The following PTPRT variants were observed in gnomAD, a reference collection of about 807,000 sequenced individuals.
PTPRT encodes the protein receptor-type tyrosine-protein phosphatase T.
PTPRT carries 56 observed loss-of-function variants against 176.8 expected under a neutral mutation model. That is an observed-to-expected ratio of 0.32 (90% confidence interval 0.26 to 0.40). The LOEUF is 0.40. PTPRT is among the 10% of genes least tolerant of loss of function. The pLI, the probability that PTPRT is intolerant of heterozygous loss-of-function variation, is 1.00. For missense variants in PTPRT, 1,540 were observed against 1,908.2 expected (o/e 0.81, Z 3.60); for synonymous variants, 783 against 739.0 (o/e 1.06, Z -0.96).
intron 7 of PTPRT, among the ~76,000 whole-genome samples, chr20:42,510,730 AGGTGGCAAAGCCATTT>A (rs1358240655): frequency 1.3e-5 from 2 of 152,208 alleles, no homozygotes; most frequent in East Asian, 3.8e-4. Flanking sequence ...TCCTGCAAGC[AGGTGGCAAAGCCATTT>A]CTCTCTATTC....
chr20:42,132,458 A>G (rs73114443), intron 18 of PTPRT, among the ~76,000 whole-genome samples: 41,201 of 152,104 alleles, frequency 0.27, 5,578 homozygotes, highest in African/African-American at 0.27. Context: ...AATACACAAC[A>G]AACTCTTAAA....
chr20:42,457,684 G>A (rs2070947043), intron 8 of PTPRT, among the ~76,000 whole-genome samples: 1 of 152,118 alleles, frequency 6.6e-6, no homozygotes, highest in Non-Finnish European at 1.5e-5. Flanking sequence ...TGACCTGTGG[G>A]GCAGTGGTAT....
intron 11 of PTPRT, among the ~76,000 whole-genome samples, chr20:42,332,660 TA>T (rs1417975837): frequency 6.6e-6 from 1 of 152,004 alleles, no homozygotes; most frequent in Non-Finnish European, 1.5e-5. Context: ...TTTTTGAGAA[TA>T]AACGAAGTCT....
intron 8 of PTPRT, among the ~76,000 whole-genome samples, chr20:42,451,824 T>C (rs10451716): frequency 0.22 from 33,084 of 151,672 alleles, 3,739 homozygotes; most frequent in Middle Eastern, 0.33. Context: ...CTGAAGAGGG[T>C]TGAGAAGAGA....
chr20:42,851,528 A>G (rs535898428), intron 2 of PTPRT, among the ~76,000 whole-genome samples: 1 of 152,254 alleles, frequency 6.6e-6, no homozygotes, highest in East Asian at 1.9e-4. Flanking sequence ...AAATGTCCCT[A>G]TTGAAACAAA....
intron 15 of PTPRT, among the ~76,000 whole-genome samples, 199 bp from the exon 16 acceptor site, chr20:42,199,587 C>A (rs1991368374): frequency 6.6e-6 from 1 of 152,144 alleles, no homozygotes; most frequent in Non-Finnish European, 1.5e-5. Flanking sequence ...CTGCCTCACC[C>A]CCGACAATGC....
intron 7 of PTPRT, among the ~76,000 whole-genome samples, chr20:42,564,277 C>G (rs1176344311): frequency 6.6e-6 from 1 of 152,200 alleles, no homozygotes; most frequent in Non-Finnish European, 1.5e-5. Flanking sequence ...TTTCACTCTT[C>G]CACATTGCCC....
At chr20:42,785,193 ACATGTCG>A (rs2145517756) in intron 3 of PTPRT, among the ~76,000 whole-genome samples, 1 of 152,238 alleles carries the variant, frequency 6.6e-6, no homozygotes, top group Non-Finnish European at 1.5e-5. Context: ...AAGAAAAGGC[ACATGTCG>A]GGAGATGGCT....
In PTPRT at chr20:42,099,583, C is replaced by G. The variant is rs573191141; in HGVS notation, c.3715-1031G>C. Among the ~76,000 whole-genome samples the G allele has an allele frequency of 1.1e-3, 150 of 139,026 alleles. 1 individual carries two copies. Among genetic ancestry groups the G allele is most frequent in the African/African-American group, 3.8e-3 (143 of 38,062 alleles). The allele number at this position is 139,026 out of a possible 152,430, so 91.2% of individuals were successfully genotyped here. ...GGGTGGGGTGGTCTGGCAGCTTCAT[C>G]CAGGGCCCTATTTATTTTCTCCCCA... On this transcript the variant is annotated intron_variant, in intron 26 of 30. Transcript: ENST00000373187.
At chr20:42,798,570 T>C (rs1325924575) in intron 2 of PTPRT, among the ~76,000 whole-genome samples, 1 of 152,198 alleles carries the variant, frequency 6.6e-6, no homozygotes, top group Non-Finnish European at 1.5e-5. Context: ...AATCTGCTGC[T>C]TTTCTAATAT....
chr20:42,204,130 C>T (rs2046613536), intron 15 of PTPRT, among the ~76,000 whole-genome samples: 1 of 152,136 alleles, frequency 6.6e-6, no homozygotes, highest in Non-Finnish European at 1.5e-5. Context: ...AAGGAAACGC[C>T]TGCATAAAAT....
At chr20:42,535,378 C>T (rs1308653751) in intron 7 of PTPRT, among the ~76,000 whole-genome samples, 1 of 152,114 alleles carries the variant, frequency 6.6e-6, no homozygotes, top group Non-Finnish European at 1.5e-5. Flanking sequence ...GGGTCCTACG[C>T]TTATTACCTG....
chr20:43,182,355 CG>C (rs1466079464), intron 1 of PTPRT, among the ~76,000 whole-genome samples: 2 of 151,858 alleles, frequency 1.3e-5, no homozygotes, highest in Non-Finnish European at 2.9e-5. Flanking sequence ...ATAAGCTCCA[CG>C]ACGCTAAGAA....
At chr20:42,446,356 C>A (rs921337424) in intron 9 of PTPRT, among the ~76,000 whole-genome samples, 2 of 152,044 alleles carry the variant, frequency 1.3e-5, no homozygotes, top group Non-Finnish European at 2.9e-5. Flanking sequence ...GGAATTATGT[C>A]TTTTATAAAA....
chr20:42,394,735 T>A (rs1236925078), intron 9 of PTPRT, among the ~76,000 whole-genome samples: 1 of 151,768 alleles, frequency 6.6e-6, no homozygotes, highest in Non-Finnish European at 1.5e-5. Flanking sequence ...GAATCAAAAC[T>A]ATGAGCAAAG....
intron 2 of PTPRT, among the ~76,000 whole-genome samples, chr20:42,795,828 G>A (rs571338370): frequency 1.3e-5 from 2 of 152,252 alleles, no homozygotes; most frequent in Non-Finnish European, 2.9e-5. Flanking sequence ...CTATAAAATG[G>A]GATAATGAAA....
chr20:42,705,447 T>C (rs892887915), intron 6 of PTPRT, among the ~76,000 whole-genome samples: 21 of 151,730 alleles, frequency 1.4e-4, no homozygotes, highest in African/African-American at 4.6e-4. Context: ...CGGGGGTGTA[T>C]TGTCACTAGG....
intron 1 of PTPRT, among the ~76,000 whole-genome samples, chr20:43,021,263 T>G (rs554966356): frequency 6.6e-6 from 1 of 152,276 alleles, no homozygotes; most frequent in South Asian, 2.1e-4. Flanking sequence ...TTTGAGAGAC[T>G]ACAGAGAGAG....
intron 9 of PTPRT, among the ~76,000 whole-genome samples, chr20:42,416,296 GA>G (rs1291688449): frequency 1.3e-5 from 2 of 152,096 alleles, no homozygotes; most frequent in African/African-American, 4.8e-5. Context: ...GAAAGGCATG[GA>G]ACAAATTATC....
Sources: gnomAD v4.1 joint callset for allele counts (sites outside exome capture counted in the v4.1 genomes callset) on GRCh38, gnomAD v4.1.1 for gene constraint, MANE v1.5 for transcripts, NCBI Gene and HGNC (gene_info 2026-07-23, HGNC 2026-07-21) for gene names.